MYO3B: variants seen among roughly 807,000 people sequenced by gnomAD.
The protein encoded by MYO3B is myosin-IIIb.
Under a neutral mutation model 174.6 loss-of-function variants are expected in MYO3B, and 156 were observed. That is an observed-to-expected ratio of 0.89 (90% CI 0.78 to 1.02). The LOEUF (loss-of-function observed/expected upper bound fraction) is 1.02, where lower values mean the gene tolerates loss of function less well. Among genes scored for constraint, MYO3B ranks in the 50% least tolerant of loss-of-function variants. The probability of loss-of-function intolerance (pLI) is 0.00; values close to 1 mark genes in which losing one functional copy is unlikely to be tolerated. For missense variants in MYO3B, 1,632 were observed against 1,639.4 expected, an observed-to-expected ratio of 1.00 and a Z score of 0.08; for synonymous variants, 563 against 569.1, an observed-to-expected ratio of 0.99 and a Z score of 0.15.
At chr2:170,410,380 G>T (rs2094537592) in intron 22 of MYO3B, among the ~76,000 whole-genome samples, 1 of 151,992 alleles carries the variant, frequency 6.6e-6, no homozygotes, top group Non-Finnish European at 1.5e-5. Context: ...AGGAGTTCGA[G>T]ACCAGCCTGG....
At chr2:170,300,916 A>G (rs567874422) in intron 7 of MYO3B, among the ~76,000 whole-genome samples, 2 of 152,216 alleles carry the variant, frequency 1.3e-5, no homozygotes, top group Non-Finnish European at 2.9e-5. Context: ...CTGTATGAAG[A>G]CTAAAATCTC....
chr2:170,593,384 T>C (rs558803396), intron 32 of MYO3B, among the ~76,000 whole-genome samples: 1 of 152,320 alleles, frequency 6.6e-6, no homozygotes, highest in East Asian at 1.9e-4. Flanking sequence ...GTTGCAGGCA[T>C]GAGCCAGCAT....
intron 32 of MYO3B, among the ~76,000 whole-genome samples, chr2:170,634,284 A>C (rs1697274888): frequency 6.6e-6 from 1 of 152,194 alleles, no homozygotes; most frequent in Non-Finnish European, 1.5e-5. Context: ...AGACCAATGG[A>C]ACAGAACAGA....
intron 7 of MYO3B, among the ~76,000 whole-genome samples, chr2:170,254,272 A>G (rs1266390621): frequency 6.6e-6 from 1 of 152,180 alleles, no homozygotes; most frequent in Non-Finnish European, 1.5e-5. Flanking sequence ...AGGTAAAGCT[A>G]GAACCTGCAT....
chr2:170,216,712 T>C (rs1401055904), intron 5 of MYO3B, among the ~76,000 whole-genome samples: 1 of 152,248 alleles, frequency 6.6e-6, no homozygotes, highest in Non-Finnish European at 1.5e-5. Flanking sequence ...TCTACACTGA[T>C]GCTCTGTTAC....
chr2:170,178,840 G>T (rs1184345070), intron 1 of MYO3B, among the ~76,000 whole-genome samples: 3 of 152,174 alleles, frequency 2.0e-5, no homozygotes, highest in Non-Finnish European at 2.9e-5. Context: ...ATTTGTAAGA[G>T]CTGTGGGTAT....
At position 170,337,948 on chromosome 2, in the gene MYO3B, G is replaced by A. The variant is rs545284054; in HGVS notation, c.815+2498G>A. On this transcript the variant is annotated intron_variant, in intron 8 of 34. Coordinates refer to ENST00000408978, the MANE Select transcript of MYO3B (RefSeq NM_138995.5). ...AGGAAGAAGAGGAGGGGTTGGTTCC[G>A]CTGTCTCAGGGTTAGCAGAGGTGGA... The A allele has an allele frequency of 1.7e-4, 26 of 152,280 alleles. No homozygotes were observed. The South Asian group carries it at 1.9e-3, about 11-fold the overall frequency. The allele number at this position is 152,280 out of a possible 1,614,324, so 9.4% of individuals were successfully genotyped here.
intron 32 of MYO3B, among the ~76,000 whole-genome samples, chr2:170,560,202 C>G (rs1691613441): frequency 6.6e-6 from 1 of 152,186 alleles, no homozygotes; most frequent in Admixed American, 6.5e-5. Flanking sequence ...AAAAACTACA[C>G]TTGTTTTCCC....
chr2:170,442,581 C>T (rs576190311), intron 22 of MYO3B, among the ~76,000 whole-genome samples: 335 of 149,768 alleles, frequency 2.2e-3, no homozygotes, highest in Non-Finnish European at 3.9e-3. Context: ...TATACATGTG[C>T]TATGTTGGTG....
chr2:170,515,040 T>G lies in MYO3B; in HGVS notation c.3472+18T>G, dbSNP rs1688221928. The stretch of plus-strand genomic sequence containing the variant: ...CCATAAAGGTAGAGTCTTTCGAGAT[T>G]TAGAATGAGTGTTCTAAATTCAGGG... On this transcript the variant is annotated intron_variant, in intron 29 of 34. Coordinates refer to ENST00000408978, the MANE Select transcript of MYO3B (RefSeq NM_138995.5). The G allele has an allele frequency of 1.9e-6, 3 of 1,605,830 alleles. No individual in the cohort carries two copies. In the East Asian group the frequency reaches 6.7e-5, roughly 36 times the overall value.
intron 32 of MYO3B, among the ~76,000 whole-genome samples, chr2:170,564,138 C>G (rs1691914418): frequency 6.6e-6 from 1 of 152,138 alleles, no homozygotes. Context: ...GATATCAAGA[C>G]CTGCAGGCAA....
chr2:170,419,751 G>A (rs576911908), intron 22 of MYO3B, among the ~76,000 whole-genome samples: 26 of 152,152 alleles, frequency 1.7e-4, no homozygotes, highest in Non-Finnish European at 3.1e-4. Context: ...CACTCCCTCC[G>A]CCACACCTAG....
rs73975593 is a variant in MYO3B, at chr2:170,253,198, C to A, written c.749+17062C>A. The stretch of plus-strand genomic sequence containing the variant: ...TCATAATTTAAGTAAGGGATAATGG[C>A]AGCTTGGACCAAGGTGAAGGTAGTG... On this transcript the variant is annotated intron_variant, in intron 7 of 34. Coordinates refer to ENST00000408978, the MANE Select transcript of MYO3B (RefSeq NM_138995.5). 1.6e-3 allele frequency among the ~76,000 whole-genome samples: 250 copies of A among 152,190 alleles called. 1 individual carries two copies. The highest frequency in any genetic ancestry group is 5.6e-3 in the African/African-American group (233 of 41,532).
At position 170,515,027 on chromosome 2, in the gene MYO3B, A is replaced by G. The variant is rs1688220675; in HGVS notation, c.3472+5A>G. The G allele has an allele frequency of 6.2e-7, 1 of 1,612,388 alleles. No homozygotes were observed. The highest frequency in any genetic ancestry group is 8.5e-7 in the Non-Finnish European group (1 of 1,178,962). On this transcript the variant is annotated splice_donor_5th_base_variant and intron_variant, in intron 29 of 34. Coordinates refer to ENST00000408978, the MANE Select transcript of MYO3B (RefSeq NM_138995.5). ...GCGAGCCTGGTGACCATAAAGGTAG[A>G]GTCTTTCGAGATTTAGAATGAGTGT...
Position 170,554,048 on chromosome 2 carries a change from T to C in MYO3B, c.3733+10060T>C, listed in dbSNP as rs543824871. 7.7e-4 allele frequency among the ~76,000 whole-genome samples: 117 copies of C among 152,352 alleles called. 1 individual carries two copies. The highest frequency in any genetic ancestry group is 2.8e-3 in the African/African-American group (115 of 41,588). On this transcript the variant is annotated intron_variant, in intron 32 of 34. Transcript: ENST00000408978. The stretch of plus-strand genomic sequence containing the variant: ...AACTGTGAGTCAATTTCACCTCTTT[T>C]CTTTATAAACTACCGAGTCTTGGGT...
intron 21 of MYO3B, among the ~76,000 whole-genome samples, chr2:170,407,396 G>A (rs2094516775): frequency 1.3e-5 from 2 of 152,152 alleles, no homozygotes; most frequent in Admixed American, 1.3e-4. Flanking sequence ...GGGAGGCGGA[G>A]GTTGCAGTGA....
intron 16 of MYO3B, among the ~76,000 whole-genome samples, chr2:170,399,830 G>C (rs2094463663): frequency 6.6e-6 from 1 of 152,164 alleles, no homozygotes; most frequent in Non-Finnish European, 1.5e-5. Context: ...AGAGGTTCAG[G>C]TTGCAGAGCA....
chr2:170,381,987 A>G (rs2094339019), intron 9 of MYO3B, 29 bp from the exon 10 acceptor site: 1 of 1,583,364 alleles, frequency 6.3e-7, no homozygotes. Flanking sequence ...TGCTGTCTTA[A>G]TGCTTAAACT....
intron 25 of MYO3B, among the ~76,000 whole-genome samples, chr2:170,486,007 G>GGAGAGAGAGA (rs138105393): frequency 5.4e-4 from 81 of 149,950 alleles, no homozygotes; most frequent in South Asian, 1.7e-3. Context: ...AAAGAAAGAG[G>GGAGAGAGAGA]GAGAGAGAGA....
Sources: gnomAD v4.1 joint callset for allele counts (sites outside exome capture counted in the v4.1 genomes callset) on GRCh38, gnomAD v4.1.1 for gene constraint, MANE v1.5 for transcripts, NCBI Gene and HGNC (gene_info 2026-07-23, HGNC 2026-07-21) for gene names.